The following PCDHGB5 variants were observed in gnomAD, a reference collection of about 807,000 sequenced individuals.
The protein encoded by PCDHGB5 is protocadherin gamma subfamily B, 5.
A neutral mutation model predicts 62.9 loss-of-function variants in PCDHGB5; 48 were observed. The observed-to-expected ratio is 0.76, with a 90% confidence interval of 0.61 to 0.97. The LOEUF is 0.97. PCDHGB5 is among the 50% of genes least tolerant of loss of function. The probability of loss-of-function intolerance (pLI) is 0.00; values close to 1 mark genes in which losing one functional copy is unlikely to be tolerated. For missense variants in PCDHGB5, 1,118 were observed against 1,198.6 expected (o/e 0.93, Z 0.99); for synonymous variants, 474 against 511.2 (o/e 0.93, Z 0.98).
intron 1 of PCDHGB5, chr5:141,422,694 T>C: frequency 6.2e-7 from 1 of 1,603,912 alleles, no homozygotes; most frequent in Non-Finnish European, 8.5e-7. Context: ...CCCTGGTCAC[T>C]TACTCTCTGA....
chr5:141,402,979 C>G (rs372858164), intron 1 of PCDHGB5: 9 of 1,608,716 alleles, frequency 5.6e-6, no homozygotes, highest in Non-Finnish European at 7.6e-6. Flanking sequence ...AATGCCAGCT[C>G]CGCGGAAGAT....
At chr5:141,445,086 A>T (rs190267063) in intron 1 of PCDHGB5, among the ~76,000 whole-genome samples, 163 of 152,322 alleles carry the variant, frequency 1.1e-3, no homozygotes, top group African/African-American at 3.6e-3. Flanking sequence ...TTGTCCCTAC[A>T]TATTTGATGT....
intron 2 of PCDHGB5, among the ~76,000 whole-genome samples, chr5:141,497,920 C>T (rs548251626): frequency 6.6e-6 from 1 of 152,336 alleles, no homozygotes; most frequent in East Asian, 1.9e-4. Flanking sequence ...CTCCTTCATT[C>T]ATTCAACAAA....
In PCDHGB5 at chr5:141,476,533, A is replaced by G; in HGVS notation, c.2398-18274A>G. 6.2e-7 allele frequency: 1 copy of G among 1,614,184 alleles called. No individual in the cohort carries two copies. Among genetic ancestry groups the G allele is most frequent in the Non-Finnish European group, 8.5e-7 (1 of 1,180,022 alleles). On this transcript the variant is annotated intron_variant, in intron 1 of 3. Transcript: ENST00000617380. The surrounding 1 kb of genome is among the most constrained non-coding windows in gnomAD (Gnocchi z 7.6). ...ACAATCCTGCTTTCCCTACCCAGGA[A>G]ATGAAATTGGAGATTAGCGAGGCCG...
intron 1 of PCDHGB5, chr5:141,427,440 G>C (rs747459662): frequency 4.2e-6 from 2 of 477,366 alleles, no homozygotes; most frequent in African/African-American, 2.0e-5. Flanking sequence ...CCTCATAAAC[G>C]AAAGAGTTCC....
chr5:141,409,200 T>C, intron 1 of PCDHGB5: 2 of 1,614,020 alleles, frequency 1.2e-6, no homozygotes, highest in Non-Finnish European at 1.7e-6. Flanking sequence ...CAGTGTAAAG[T>C]AATCATAGAA....
rs200843744 is a variant in PCDHGB5, at chr5:141,491,417, G to C, written c.2398-3390G>C. 18 of 1,613,988 alleles carry C rather than the reference G, an allele frequency of 1.1e-5. No individual in the cohort carries two copies. Among genetic ancestry groups the C allele is most frequent in the Admixed American group, 5.0e-5 (3 of 60,006 alleles). ...CAGGGAAACGCAGACGGGGACGGGGGTGGAGGGCAGTGCTGCAGGCGCCAG... is the reference window on the plus strand; with the variant it reads ...CAGGGAAACGCAGACGGGGACGGGGCTGGAGGGCAGTGCTGCAGGCGCCAG... On this transcript the variant is annotated intron_variant, in intron 1 of 3. Transcript: ENST00000617380. This position sits in a 1 kb window ranked among gnomAD's most constrained non-coding sequence, Gnocchi z 6.9.
At chr5:141,406,859 TC>T (rs1171504234) in intron 1 of PCDHGB5, among the ~76,000 whole-genome samples, 1 of 152,252 alleles carries the variant, frequency 6.6e-6, no homozygotes, top group African/African-American at 2.4e-5. Flanking sequence ...AAGAAAATAT[TC>T]TCAGGAACTG....
chr5:141,410,115 C>T, intron 1 of PCDHGB5: 1 of 1,612,624 alleles, frequency 6.2e-7, no homozygotes. Context: ...AGGGACGCAG[C>T]CCGCCAGCGC....
At chr5:141,452,490 C>A (rs2098742307) in intron 1 of PCDHGB5, among the ~76,000 whole-genome samples, 1 of 152,188 alleles carries the variant, frequency 6.6e-6, no homozygotes, top group East Asian at 1.9e-4. Flanking sequence ...TAAACACACC[C>A]ATATTTATAT....
In PCDHGB5 at chr5:141,399,918, C is replaced by T. The variant is rs1163309827; in HGVS notation, c.1791C>T (p.Asn597=). Residue 597 remains asparagine, a synonymous_variant, in exon 1 of 4, where the codon AAC becomes AAT. Coordinates refer to ENST00000617380, the MANE Select transcript of PCDHGB5 (RefSeq NM_018925.3). ...CCGTGGACGCAGACTCAGGACACAA[C>T]GCCTGGCTGTCCTACCACGTGCTGC... ...VVAVDADSGH[N]AWLSYHVLQA... is the part of the protein sequence containing the mutation. The T allele has an allele frequency of 4.3e-6, 7 of 1,612,240 alleles. No individual in the cohort carries two copies. In the East Asian group the frequency reaches 8.9e-5, roughly 21 times the overall value.
At chr5:141,479,651 C>CAAA (rs931031810) in intron 1 of PCDHGB5, 2 of 152,124 alleles carry the variant, frequency 1.3e-5, no homozygotes, top group African/African-American at 2.4e-5. Flanking sequence ...ACAACAACAA[C>CAAA]AATCCCAGAA....
At chr5:141,474,964 CATT>C (rs1489874965) in intron 1 of PCDHGB5, among the ~76,000 whole-genome samples, 1 of 152,216 alleles carries the variant, frequency 6.6e-6, no homozygotes, top group Non-Finnish European at 1.5e-5. Context: ...CTATCCTAAT[CATT>C]ATAATTTTGT....
intron 1 of PCDHGB5, chr5:141,478,885 A>G (rs2099483148): frequency 8.4e-7 from 1 of 1,193,320 alleles, no homozygotes; most frequent in East Asian, 2.6e-5. Flanking sequence ...GCTTGGTATC[A>G]TTTACATTAG....
intron 1 of PCDHGB5, among the ~76,000 whole-genome samples, chr5:141,438,587 CATACATAT>C (rs1166583123): frequency 1.2e-4 from 9 of 73,430 alleles, no homozygotes; most frequent in Non-Finnish European, 1.6e-4. Flanking sequence ...TACATACATA[CATACATAT>C]ATATATATAT....
Position 141,415,089 on chromosome 5 carries a change from C to T in PCDHGB5, c.2397+14565C>T, listed in dbSNP as rs1159857230. 1.9e-6 allele frequency: 3 copies of T among 1,613,556 alleles called. No individual in the cohort carries two copies. In the South Asian group the frequency reaches 3.3e-5, roughly 18 times the overall value. The stretch of plus-strand genomic sequence containing the variant: ...TGCGCACGGCGCGAGCCCTGCTGGA[C>T]AGAGACGCGCTCAAGCAAAGCCTCG... On this transcript the variant is annotated intron_variant, in intron 1 of 3. Coordinates refer to ENST00000617380, the MANE Select transcript of PCDHGB5 (RefSeq NM_018925.3).
At chr5:141,404,399 G>A in intron 1 of PCDHGB5, 2 of 1,613,896 alleles carry the variant, frequency 1.2e-6, no homozygotes, top group Non-Finnish European at 1.7e-6. Context: ...TGATAGCAAT[G>A]AGAATTCTAG....
In PCDHGB5 at chr5:141,477,500, T is replaced by C. The variant is rs757547508; in HGVS notation, c.2398-17307T>C. The C allele has an allele frequency of 3.1e-6, 5 of 1,614,156 alleles. No homozygotes were observed. Among genetic ancestry groups the C allele is most frequent in the Non-Finnish European group, 4.2e-6 (5 of 1,180,026 alleles). ...CCCTCCACAATCTTCTCAATCTTCC[T>C]ACGACGTTTACATTGAAGAAAACAA... On this transcript the variant is annotated intron_variant, in intron 1 of 3. Coordinates refer to ENST00000617380, the MANE Select transcript of PCDHGB5 (RefSeq NM_018925.3). This position sits in a 1 kb window ranked among gnomAD's most constrained non-coding sequence, Gnocchi z 4.9.
At position 141,403,568 on chromosome 5, in the gene PCDHGB5, ACTGCCCACCAC is replaced by A. The variant is rs758329896; in HGVS notation, c.2397+3048_2397+3058del. On this transcript the variant is annotated intron_variant, in intron 1 of 3. Coordinates refer to ENST00000617380, the MANE Select transcript of PCDHGB5 (RefSeq NM_018925.3). The stretch of plus-strand genomic sequence containing the variant: ...GCGCGCCCTGGACAGGGAGGAGGCA[ACTGCCCACCAC>A]CTGGTCCTCACGGCCTCGGATGGCG... The A allele has an allele frequency of 2.5e-6, 4 of 1,613,918 alleles. No individual in the cohort carries two copies. In the South Asian group the frequency reaches 4.4e-5, roughly 18 times the overall value.
Sources: gnomAD v4.1 joint callset for allele counts (sites outside exome capture counted in the v4.1 genomes callset) on GRCh38, gnomAD v4.1.1 for gene constraint, Gnocchi (gnomAD v3.1) non-coding constraint, MANE v1.5 for transcripts, NCBI Gene and HGNC (gene_info 2026-07-23, HGNC 2026-07-21) for gene names.